MAP2K5: variants seen among roughly 807,000 people sequenced by gnomAD.
MAP2K5 encodes the protein dual specificity mitogen-activated protein kinase kinase 5.
MAP2K5 carries 49 observed loss-of-function variants against 83.1 expected under a neutral mutation model. That is an observed-to-expected ratio of 0.59 (90% confidence interval 0.47 to 0.75). The LOEUF (loss-of-function observed/expected upper bound fraction) is 0.75, where lower values mean the gene tolerates loss of function less well. Ranked by LOEUF, MAP2K5 falls within the 30% of genes least tolerant of loss-of-function variation. The probability of loss-of-function intolerance (pLI) is 0.00; values close to 1 mark genes in which losing one functional copy is unlikely to be tolerated. For missense variants in MAP2K5, 457 were observed against 557.5 expected (o/e 0.82, Z 1.82); for synonymous variants, 202 against 191.8 (o/e 1.05, Z -0.44).
chr15:67,674,608 A>G (rs1277500254), intron 13 of MAP2K5, among the ~76,000 whole-genome samples: 1 of 152,166 alleles, frequency 6.6e-6, no homozygotes, highest in Admixed American at 6.5e-5. Context: ...TTGGTCATTC[A>G]TTCTATTTAC....
chr15:67,742,919 C>G (rs1012005540), intron 17 of MAP2K5, among the ~76,000 whole-genome samples: 1 of 152,164 alleles, frequency 6.6e-6, no homozygotes, highest in African/African-American at 2.4e-5. Context: ...TCCTCACTGA[C>G]TGGCAGACCC....
chr15:67,753,051 T>C (rs988400873), intron 19 of MAP2K5, among the ~76,000 whole-genome samples: 5 of 152,168 alleles, frequency 3.3e-5, no homozygotes, highest in African/African-American at 7.2e-5. Context: ...ATATGCATAG[T>C]CAGTTGTTTT....
intron 21 of MAP2K5, among the ~76,000 whole-genome samples, chr15:67,799,532 C>T (rs1196730931): frequency 6.6e-6 from 1 of 152,276 alleles, no homozygotes; most frequent in Non-Finnish European, 1.5e-5. Context: ...AACCAGCTGA[C>T]AGATGAGACC....
At chr15:67,623,760 G>A (rs745579352) in intron 8 of MAP2K5, among the ~76,000 whole-genome samples, 19 of 151,684 alleles carry the variant, frequency 1.3e-4, no homozygotes, top group Non-Finnish European at 2.5e-4. Flanking sequence ...ACCACACTGG[G>A]CTAATTTTGT....
chr15:67,611,403 A>G (rs540235488), intron 8 of MAP2K5, among the ~76,000 whole-genome samples: 13 of 152,160 alleles, frequency 8.5e-5, no homozygotes, highest in Non-Finnish European at 1.3e-4. Context: ...GCAGAGCACA[A>G]CAGCTGGGGT....
At chr15:67,731,602 A>G (rs2089223650) in intron 17 of MAP2K5, among the ~76,000 whole-genome samples, 1 of 152,154 alleles carries the variant, frequency 6.6e-6, no homozygotes, top group Non-Finnish European at 1.5e-5. Flanking sequence ...CCTTTCCCAC[A>G]TAGGGTTCCA....
In MAP2K5 at chr15:67,806,666, G is replaced by C. The variant is rs2090815322; in HGVS notation, c.1263G>C (p.Gln421His). 8 of 1,551,262 alleles carry C rather than the reference G, an allele frequency of 5.2e-6. No homozygotes were observed. Among genetic ancestry groups the C allele is most frequent in the Middle Eastern group, 3.3e-4 (2 of 5,992 alleles). ...CGCAGGGCCACCCGTTCATCGTGCA[G>C]TTCAATGATGGAAATGCCGCCGTGG... ...EELMGHPFIVQFNDGNAAVVS... is the reference protein window; with the variant it reads ...EELMGHPFIVHFNDGNAAVVS... The change falls in exon 22 of 22, where the codon CAG becomes CAC. Residue 421 changes from glutamine to histidine, a missense_variant. Gln to His is a conservative substitution (Grantham distance 24). Coordinates refer to ENST00000178640, the MANE Select transcript of MAP2K5 (RefSeq NM_145160.3).
chr15:67,555,975 G>A lies in MAP2K5; in HGVS notation c.184+5893G>A, dbSNP rs1195264173. On this transcript the variant is annotated intron_variant, in intron 2 of 21. Coordinates refer to ENST00000178640, the MANE Select transcript of MAP2K5 (RefSeq NM_145160.3). The surrounding 1 kb of genome is among the most constrained non-coding windows in gnomAD (Gnocchi z 5.2). ...ATTTTTTTGTATTTTTAGTAGATAC[G>A]GGGTTTCACCATGTTGACCAGACTG... 1.1e-4 allele frequency among the ~76,000 whole-genome samples: 16 copies of A among 152,058 alleles called. No individual in the cohort carries two copies. Among genetic ancestry groups the A allele is most frequent in the Admixed American group, 6.5e-4 (10 of 15,276 alleles).
intron 1 of MAP2K5, among the ~76,000 whole-genome samples, chr15:67,546,997 C>T (rs553429216): frequency 1.6e-4 from 24 of 151,542 alleles, no homozygotes; most frequent in Non-Finnish European, 3.1e-4. Context: ...ACCTAGAGGT[C>T]GAGGCTATAG....
chr15:67,806,470 G>T (rs1429551311), intron 21 of MAP2K5, among the ~76,000 whole-genome samples, 176 bp from the exon 22 acceptor site: 1 of 152,182 alleles, frequency 6.6e-6, no homozygotes, highest in Admixed American at 6.5e-5. Context: ...GTATGTCACT[G>T]CTCGTCCCTG....
At chr15:67,575,423 AC>A (rs536599450) in intron 3 of MAP2K5, among the ~76,000 whole-genome samples, 22 of 152,248 alleles carry the variant, frequency 1.4e-4, no homozygotes, top group Admixed American at 1.3e-3. Context: ...GCCAGAGGTC[AC>A]CTAGGTCACC....
chr15:67,611,055 T>C (rs926761816), intron 8 of MAP2K5, among the ~76,000 whole-genome samples: 3 of 152,236 alleles, frequency 2.0e-5, no homozygotes, highest in African/African-American at 4.8e-5. Context: ...TTGGAAGATA[T>C]GTATTGTGTG....
intron 2 of MAP2K5, among the ~76,000 whole-genome samples, chr15:67,553,109 A>G (rs1405397977): frequency 6.6e-6 from 1 of 152,140 alleles, no homozygotes; most frequent in Non-Finnish European, 1.5e-5. Context: ...CAGGCAGTGT[A>G]CTAGATGACT....
At chr15:67,580,610 A>C (rs2085158720) in intron 3 of MAP2K5, 144 bp from the exon 4 acceptor site, 1 of 625,138 alleles carries the variant, frequency 1.6e-6, no homozygotes, top group African/African-American at 1.8e-5. Flanking sequence ...AGTCATTTTG[A>C]TGTGCCAGTA....
chr15:67,648,733 T>A (rs1212123942), intron 11 of MAP2K5, among the ~76,000 whole-genome samples: 1 of 152,004 alleles, frequency 6.6e-6, no homozygotes, highest in Non-Finnish European at 1.5e-5. Flanking sequence ...TACAGGCGCG[T>A]GCCACCATGC....
rs2084520351 is a variant in MAP2K5 at position 67,552,032 on chromosome 15, A to T, written c.184+1950A>T. 6.6e-6 allele frequency among the ~76,000 whole-genome samples: 1 copy of T among 151,084 alleles called. No homozygotes were observed. The highest frequency in any genetic ancestry group is 2.4e-5 in the African/African-American group (1 of 40,948). On this transcript the variant is annotated intron_variant, in intron 2 of 21. Transcript: ENST00000178640. This position sits in a 1 kb window ranked among gnomAD's most constrained non-coding sequence, Gnocchi z 4.2. ...GTGCCTACTACAGTACTTTCCAGTG[A>T]CTTACCCTGTAAAGTGGACTTGGGG...
chr15:67,739,441 TATATATATATATATATATATA>T (rs1366963085), intron 17 of MAP2K5, among the ~76,000 whole-genome samples: 14 of 12,494 alleles, frequency 1.1e-3, no homozygotes, highest in African/African-American at 2.7e-3. Context: ...TATATATATA[TATATATATATATATATATATA>T]TTTTTTTTTT....
intron 13 of MAP2K5, among the ~76,000 whole-genome samples, chr15:67,689,791 G>A (rs1012115130): frequency 6.6e-6 from 1 of 152,140 alleles, no homozygotes; most frequent in Admixed American, 6.5e-5. Flanking sequence ...TGAAACTAAA[G>A]ATTTGCTGCT....
At chr15:67,653,894 G>A (rs928886874) in intron 11 of MAP2K5, among the ~76,000 whole-genome samples, 34 of 152,008 alleles carry the variant, frequency 2.2e-4, no homozygotes, top group African/African-American at 8.0e-4. Flanking sequence ...TAATCTCAAA[G>A]TATTTTCCAT....
Sources: gnomAD v4.1 joint callset for allele counts (sites outside exome capture counted in the v4.1 genomes callset) on GRCh38, gnomAD v4.1.1 for gene constraint, Gnocchi (gnomAD v3.1) non-coding constraint, MANE v1.5 for transcripts, NCBI Gene and HGNC (gene_info 2026-07-23, HGNC 2026-07-21) for gene names.